WWOX: variants seen among roughly 807,000 people sequenced by gnomAD.
The protein encoded by WWOX is WW domain-containing oxidoreductase.
A neutral mutation model predicts 46.2 loss-of-function variants in WWOX; 69 were observed. The ratio of observed to expected loss-of-function variants is 1.49; its 90% CI spans 1.23 to 1.82. WWOX has a LOEUF of 1.82. Among genes scored for constraint, WWOX ranks in the 40% most tolerant of loss-of-function variants. The probability of loss-of-function intolerance (pLI) is 0.00; values close to 1 mark genes in which losing one functional copy is unlikely to be tolerated. For synonymous variants in WWOX, 359 were observed against 202.6 expected, an observed-to-expected ratio of 1.77 and a Z score of -6.56; for missense variants, 919 against 542.6, an observed-to-expected ratio of 1.69 and a Z score of -6.89.
Position 78,199,752 on chromosome 16 carries a change from G to T in WWOX, c.516+35463G>T, listed in dbSNP as rs79569006. On this transcript the variant is annotated intron_variant, in intron 5 of 8. Transcript: ENST00000566780. The stretch of plus-strand genomic sequence containing the variant: ...CCTTCCCATAAAAAAAATCACATTT[G>T]TGAATGTCTCTCTTAGGCTGAGTTC... Among the ~76,000 whole-genome samples, 1,457 of 151,984 alleles carry T rather than the reference G, an allele frequency of 9.6e-3. 7 individuals are homozygous for T. Among genetic ancestry groups the T allele is most frequent in the Non-Finnish European group, 0.015 (1,049 of 68,002 alleles).
rs771068553 is a variant in WWOX at position 78,425,022 on chromosome 16, C to T, written c.758C>T (p.Ala253Val). ...LQDVLCRSAPARVIVVSSESH... is the reference protein window; with the variant it reads ...LQDVLCRSAPVRVIVVSSESH... ...GATGTTTTGTGCCGCTCAGCTCCTG[C>T]CCGTGTCATTGTGGTCTCCTCAGAG... The change falls in exon 7 of 9, where the codon GCC (alanine) becomes GTC (valine). Residue 253 changes from alanine to valine, a missense_variant. Ala to Val is a moderately conservative substitution (Grantham distance 64). Coordinates refer to ENST00000566780, the MANE Select transcript of WWOX (RefSeq NM_016373.4). 2 of 1,614,064 alleles carry T rather than the reference C, an allele frequency of 1.2e-6. No homozygotes were observed. Among genetic ancestry groups the T allele is most frequent in the Non-Finnish European group, 1.7e-6 (2 of 1,180,024 alleles).
intron 8 of WWOX, among the ~76,000 whole-genome samples, chr16:78,957,595 C>G (rs2046193427): frequency 6.6e-6 from 1 of 152,158 alleles, no homozygotes; most frequent in Non-Finnish European, 1.5e-5. Context: ...ATAACTCAGT[C>G]ACGTTACTGA....
At chr16:78,365,986 G>C (rs2081528122) in intron 5 of WWOX, among the ~76,000 whole-genome samples, 1 of 152,202 alleles carries the variant, frequency 6.6e-6, no homozygotes, top group South Asian at 2.1e-4. Flanking sequence ...GATGGGGCTT[G>C]TGATTTGAAG....
intron 8 of WWOX, among the ~76,000 whole-genome samples, chr16:79,033,414 T>C (rs1784919338): frequency 6.6e-6 from 1 of 151,464 alleles, no homozygotes; most frequent in African/African-American, 2.4e-5. Context: ...TAAGGCTGCA[T>C]AGTATTCCAT....
At chr16:78,884,212 A>G (rs4243162) in intron 8 of WWOX, among the ~76,000 whole-genome samples, 37,462 of 147,596 alleles carry the variant, frequency 0.25, 5,093 homozygotes, top group Middle Eastern at 0.39. Flanking sequence ...GGTCAAGGCT[A>G]CAGTGAGCTG....
At chr16:78,326,961 G>A (rs1000659354) in intron 5 of WWOX, among the ~76,000 whole-genome samples, 1 of 152,034 alleles carries the variant, frequency 6.6e-6, no homozygotes, top group African/African-American at 2.4e-5. Context: ...AATTTCTCTT[G>A]CTGCTTTTTC....
chr16:78,698,587 A>G (rs1367329283), intron 8 of WWOX, among the ~76,000 whole-genome samples: 2 of 152,218 alleles, frequency 1.3e-5, no homozygotes, highest in South Asian at 2.1e-4. Context: ...ATATTATGCT[A>G]CATTTCTAAT....
At chr16:78,986,998 G>T (rs8052309) in intron 8 of WWOX, among the ~76,000 whole-genome samples, 114,777 of 151,770 alleles carry the variant, frequency 0.76, 44,533 homozygotes, top group Non-Finnish European at 0.86. Context: ...CCCACACGGA[G>T]CAGAGAGGGA....
At chr16:78,618,833 C>A (rs1427062854) in intron 8 of WWOX, among the ~76,000 whole-genome samples, 1 of 151,754 alleles carries the variant, frequency 6.6e-6, no homozygotes, top group African/African-American at 2.4e-5. Flanking sequence ...AGTGACCAAT[C>A]ACTCAGACCC....
intron 8 of WWOX, among the ~76,000 whole-genome samples, chr16:78,556,549 G>T (rs1340749909): frequency 1.3e-5 from 2 of 152,046 alleles, no homozygotes. Flanking sequence ...AATGGAAATG[G>T]GTCTTGAAAT....
chr16:78,387,203 G>A (rs1196295253), intron 6 of WWOX, among the ~76,000 whole-genome samples: 3 of 152,194 alleles, frequency 2.0e-5, no homozygotes, highest in Non-Finnish European at 4.4e-5. Flanking sequence ...ACTAGTAAAA[G>A]TGGCTAATAA....
intron 8 of WWOX, among the ~76,000 whole-genome samples, chr16:78,980,061 A>T (rs1001618724): frequency 6.6e-6 from 1 of 152,190 alleles, no homozygotes; most frequent in South Asian, 2.1e-4. Flanking sequence ...TCAGAAGGCC[A>T]AGGTTGTAGT....
At chr16:79,200,037 C>A (rs2051316024) in intron 8 of WWOX, among the ~76,000 whole-genome samples, 1 of 151,992 alleles carries the variant, frequency 6.6e-6, no homozygotes, top group South Asian at 2.1e-4. Context: ...GCCAGATGAT[C>A]CACAAATGCC....
chr16:79,104,297 T>G (rs910024223), intron 8 of WWOX, among the ~76,000 whole-genome samples: 3 of 152,208 alleles, frequency 2.0e-5, no homozygotes, highest in Non-Finnish European at 4.4e-5. Flanking sequence ...AAAACCTCAG[T>G]TATCATCTGC....
intron 7 of WWOX, among the ~76,000 whole-genome samples, chr16:78,425,464 G>C (rs1016871033): frequency 2.0e-5 from 3 of 152,172 alleles, no homozygotes; most frequent in Non-Finnish European, 4.4e-5. Flanking sequence ...GTTTTATAAT[G>C]AGAAATTAGG....
intron 4 of WWOX, among the ~76,000 whole-genome samples, chr16:78,144,445 A>ACGTATATATATATATATATG (rs1244011701): frequency 5.8e-5 from 1 of 17,100 alleles, no homozygotes; most frequent in Non-Finnish European, 1.1e-4. Context: ...ATATATATAT[A>ACGTATATATATATATATATG]TACACATATA....
intron 8 of WWOX, among the ~76,000 whole-genome samples, chr16:78,587,723 G>C (rs17721530): frequency 0.015 from 2,265 of 152,238 alleles, 59 homozygotes; most frequent in East Asian, 0.11. Flanking sequence ...CCTTCACCTT[G>C]CTTTTTGTGG....
intron 5 of WWOX, among the ~76,000 whole-genome samples, chr16:78,351,592 C>T (rs750048965): frequency 2.6e-5 from 4 of 152,170 alleles, no homozygotes; most frequent in African/African-American, 4.8e-5. Context: ...CCTGACTAAG[C>T]GGAGCAGATG....
chr16:79,074,352 TA>T (rs757975484), intron 8 of WWOX, among the ~76,000 whole-genome samples: 2 of 139,592 alleles, frequency 1.4e-5, no homozygotes, highest in Non-Finnish European at 3.1e-5. Context: ...TCTGACTTCC[TA>T]AAACCACCGT....
Sources: allele counts gnomAD v4.1 joint callset (sites outside exome capture counted in the v4.1 genomes callset), GRCh38; gene constraint gnomAD v4.1.1; transcripts MANE v1.5; gene names NCBI Gene and HGNC (gene_info 2026-07-23, HGNC 2026-07-21).